Variants in ARID1A observed in about 807,000 individuals in gnomAD.
ARID1A encodes the protein AT-rich interactive domain-containing protein 1A.
ARID1A carries 20 observed loss-of-function variants against 212.6 expected under a neutral mutation model. That is an observed-to-expected ratio of 0.09 (90% CI 0.07 to 0.14). The LOEUF (loss-of-function observed/expected upper bound fraction) is 0.14. Ranked by LOEUF, ARID1A falls within the 10% of genes least tolerant of loss-of-function variation. ARID1A has a pLI of 1.00. For synonymous variants in ARID1A, 1,376 were observed against 1,222.1 expected, an observed-to-expected ratio of 1.13 and a Z score of -2.63; for missense variants, 2,587 against 3,059.0, an observed-to-expected ratio of 0.85 and a Z score of 3.64.
At chr1:26,711,682 G>A (rs2080456052) in intron 1 of ARID1A, among the ~76,000 whole-genome samples, 1 of 152,164 alleles carries the variant, frequency 6.6e-6, no homozygotes, top group Non-Finnish European at 1.5e-5. Context: ...AGGACTTGGG[G>A]GCTCCCTGCC....
chr1:26,757,929 C>G (rs1210530067), intron 4 of ARID1A, among the ~76,000 whole-genome samples: 1 of 152,128 alleles, frequency 6.6e-6, no homozygotes. Flanking sequence ...TGAGCTACTG[C>G]GCCTGGCCAA....
chr1:26,712,125 T>C (rs2080460484), intron 1 of ARID1A, among the ~76,000 whole-genome samples: 1 of 152,088 alleles, frequency 6.6e-6, no homozygotes, highest in South Asian at 2.1e-4. Flanking sequence ...GGTCTCCAAG[T>C]ATGGCCAATA....
At chr1:26,722,483 CG>C (rs1350341128) in intron 1 of ARID1A, among the ~76,000 whole-genome samples, 7 of 152,190 alleles carry the variant, frequency 4.6e-5, no homozygotes, top group Non-Finnish European at 1.0e-4. Flanking sequence ...TGACCTCAGG[CG>C]ATCTGCCGCC....
At chr1:26,698,106 C>T (rs1212544167) in intron 1 of ARID1A, among the ~76,000 whole-genome samples, 2 of 152,240 alleles carry the variant, frequency 1.3e-5, no homozygotes, top group Non-Finnish European at 2.9e-5. Context: ...CATCTCCTGT[C>T]TTAGGCTCCG....
chr1:26,730,396 CATT>C (rs1261005624), intron 2 of ARID1A, among the ~76,000 whole-genome samples: 1 of 152,208 alleles, frequency 6.6e-6, no homozygotes, highest in Non-Finnish European at 1.5e-5. Context: ...CCATTCACAT[CATT>C]ATCTCTTTAT....
At chr1:26,707,158 T>G (rs1244176217) in intron 1 of ARID1A, among the ~76,000 whole-genome samples, 1 of 151,112 alleles carries the variant, frequency 6.6e-6, no homozygotes, top group Non-Finnish European at 1.5e-5. Context: ...CTCAGTCTCC[T>G]GAGTAGCTGG....
chr1:26,751,815 C>T (rs760115986), intron 4 of ARID1A, among the ~76,000 whole-genome samples: 2 of 152,166 alleles, frequency 1.3e-5, no homozygotes, highest in African/African-American at 2.4e-5. Flanking sequence ...TGGAGACGGG[C>T]CCCTGAAAAG....
Position 26,696,269 on chromosome 1 carries a change from A to C in ARID1A, c.-135A>C. 7.2e-6 allele frequency: 7 copies of C among 975,264 alleles called. No homozygotes were observed. Among genetic ancestry groups the C allele is most frequent in the Non-Finnish European group, 5.1e-6 (4 of 787,890 alleles). 60.4% of individuals were successfully genotyped at this position (975,264 alleles called of 1,614,324 possible). On this transcript the variant is annotated 5_prime_UTR_variant, in exon 1 of 20. Transcript: ENST00000324856. ...GGGGGGAGAGGAGCGAGCGCAGCGC[A>C]GCAGCGGAGCCCCGCGAGGCCCGCC...
intron 1 of ARID1A, among the ~76,000 whole-genome samples, chr1:26,725,343 G>A (rs2080606133): frequency 6.6e-6 from 1 of 152,130 alleles, no homozygotes; most frequent in South Asian, 2.1e-4. Flanking sequence ...TCTCTGTTAC[G>A]AGAGATTGGG....
chr1:26,772,545 G>A lies in ARID1A; in HGVS notation c.3452G>A (p.Ser1151Asn), dbSNP rs2124104199. Residue 1151 changes from serine (S) to asparagine (N), a missense_variant, in exon 13 of 20, where the codon AGC becomes AAC. Around this residue, in one of 11 missense-constraint regions of ARID1A, gnomAD observed 890 missense variants for 1,098.2 expected, o/e 0.81. Coordinates refer to ENST00000324856, the MANE Select transcript of ARID1A (RefSeq NM_006015.6). ...GGGCCCCAGACTCCCCAGTCAACCA[G>A]CAGTTCCATGGCAGAAGGAGGAGAC... ...MQGPQTPQST[S>N]SSMAEGGDLK... 1.2e-6 allele frequency: 2 copies of A among 1,614,180 alleles called. No individual in the cohort carries two copies. Among genetic ancestry groups the A allele is most frequent in the Non-Finnish European group, 1.7e-6 (2 of 1,180,022 alleles).
intron 14 of ARID1A, 53 bp from the exon 15 acceptor site, chr1:26,773,293 T>G (rs1427675653): frequency 6.6e-7 from 1 of 1,522,838 alleles, no homozygotes; most frequent in South Asian, 1.3e-5. Flanking sequence ...AAGGGTAGAT[T>G]ACCAGGCTTG....
At chr1:26,713,267 C>T (rs6658770) in intron 1 of ARID1A, among the ~76,000 whole-genome samples, 2 of 151,918 alleles carry the variant, frequency 1.3e-5, no homozygotes, top group Non-Finnish European at 2.9e-5. Flanking sequence ...ATGCAGAGCA[C>T]ATGGAAACTC....
intron 1 of ARID1A, among the ~76,000 whole-genome samples, chr1:26,704,142 CTT>C (rs373516537): frequency 6.6e-6 from 1 of 152,266 alleles, no homozygotes; most frequent in African/African-American, 2.4e-5. Flanking sequence ...GTTCCAATGA[CTT>C]TGAGAATTTG....
intron 4 of ARID1A, among the ~76,000 whole-genome samples, chr1:26,738,976 C>G (rs1260525065): frequency 4.0e-5 from 6 of 151,536 alleles, no homozygotes; most frequent in African/African-American, 1.5e-4. Context: ...CAAGCTCCGC[C>G]TCCCGGGTTC....
At position 26,739,735 on chromosome 1, in the gene ARID1A, C is replaced by T. The variant is rs368010757; in HGVS notation, c.1920+6943C>T. On this transcript the variant is annotated intron_variant, in intron 4 of 19. Coordinates refer to ENST00000324856, the MANE Select transcript of ARID1A (RefSeq NM_006015.6). ...CAGTACCACCCTGGGAGCTCCTCTGCTCTATGGTGCTCATCACTGGATCCC... is the reference window on the plus strand; with the variant it reads ...CAGTACCACCCTGGGAGCTCCTCTGTTCTATGGTGCTCATCACTGGATCCC... Among the ~76,000 whole-genome samples, 14 of 152,292 alleles carry T rather than the reference C, an allele frequency of 9.2e-5. No individual in the cohort carries two copies. In the South Asian group the frequency reaches 1.2e-3, roughly 14 times the overall value.
chr1:26,776,069 G>C, intron 19 of ARID1A: 1 of 368,422 alleles, frequency 2.7e-6, no homozygotes, highest in South Asian at 2.1e-5. Flanking sequence ...CGAGGTTCAT[G>C]AACTCCTGAG....
chr1:26,750,661 C>T (rs1162220639), intron 4 of ARID1A, among the ~76,000 whole-genome samples: 1 of 151,842 alleles, frequency 6.6e-6, no homozygotes, highest in African/African-American at 2.4e-5. Context: ...CTCTGTGAGC[C>T]ACACCCTTGT....
rs2124103905 is a variant in ARID1A at position 26,772,520 on chromosome 1, G to A, written c.3427G>A (p.Gly1143Arg). ...CACAGCGGGATCAGGATCTATGCAG[G>A]GGCCCCAGACTCCCCAGTCAACCAG... Reference protein sequence around the residue: ...PSPAGSGSMQGPQTPQSTSSS... With the variant: ...PSPAGSGSMQRPQTPQSTSSS... The change falls in exon 13 of 20, where the codon GGG becomes AGG. Residue 1143 changes from glycine (G) to arginine (R), a missense_variant. By Grantham distance (125) the Gly-to-Arg change is moderately radical. Transcript: ENST00000324856. 1 of 1,614,140 alleles carries A rather than the reference G, an allele frequency of 6.2e-7. No individual in the cohort carries two copies. The highest frequency in any genetic ancestry group is 2.2e-5 in the East Asian group (1 of 44,886).
Position 26,696,641 on chromosome 1 carries a change from A to G in ARID1A, c.238A>G (p.Asn80Asp). Reference protein sequence around the residue: ...GKELQDGAESNGGGGGGGAGS... With the variant: ...GKELQDGAESDGGGGGGGAGS... ...GGAGCTGCAGGACGGGGCCGAGAGC[A>G]ATGGGGGTGGCGGCGGCGGCGGAGC... Residue 80 changes from asparagine (N) to aspartate (D), a missense_variant, in exon 1 of 20, where the codon AAT (asparagine) becomes GAT (aspartate). Around this residue, in one of 11 missense-constraint regions of ARID1A, gnomAD observed 735 missense variants for 590.6 expected, o/e 1.24. Transcript: ENST00000324856. The G allele has an allele frequency of 7.7e-7, 1 of 1,302,370 alleles. No homozygotes were observed. Among genetic ancestry groups the G allele is most frequent in the Non-Finnish European group, 9.7e-7 (1 of 1,030,072 alleles). The allele number at this position is 1,302,370 out of a possible 1,614,324, so 80.7% of individuals were successfully genotyped here. A position where few individuals can be genotyped will look rare whatever the true frequency, so the allele number is the denominator to read the frequency against.
Sources: gnomAD v4.1 joint callset for allele counts (sites outside exome capture counted in the v4.1 genomes callset) on GRCh38, gnomAD v4.1.1 for gene constraint, gnomAD v4.1.1 regional missense constraint, MANE v1.5 for transcripts, NCBI Gene and HGNC (gene_info 2026-07-23, HGNC 2026-07-21) for gene names.